Variants in PPP3CA observed in about 807,000 individuals in gnomAD.
PPP3CA encodes protein phosphatase 3 catalytic subunit alpha, also known as CAM-PRP catalytic subunit.
PPP3CA carries 14 observed loss-of-function variants against 66.5 expected under a neutral mutation model. That is an observed-to-expected ratio of 0.21 (90% CI 0.14 to 0.33). The LOEUF (loss-of-function observed/expected upper bound fraction) is 0.33. Among genes scored for constraint, PPP3CA ranks in the 10% least tolerant of loss-of-function variants. PPP3CA has a pLI of 1.00. For missense variants in PPP3CA, 317 were observed against 639.5 expected, an observed-to-expected ratio of 0.50 and a Z score of 5.44; for synonymous variants, 232 against 226.2, an observed-to-expected ratio of 1.03 and a Z score of -0.23.
At chr4:101,117,646 T>C (rs1721886484) in intron 2 of PPP3CA, among the ~76,000 whole-genome samples, 1 of 151,504 alleles carries the variant, frequency 6.6e-6, no homozygotes, top group Non-Finnish European at 1.5e-5. Context: ...GGTGCCAATA[T>C]ATAATTACAA....
At chr4:101,046,990 A>G (rs980302264) in intron 10 of PPP3CA, among the ~76,000 whole-genome samples, 6 of 152,202 alleles carry the variant, frequency 3.9e-5, no homozygotes, top group Non-Finnish European at 7.3e-5. Context: ...CTTTTTACAG[A>G]TGACGAAAAT....
At chr4:101,063,905 C>T (rs908741721) in intron 8 of PPP3CA, among the ~76,000 whole-genome samples, 1 of 151,832 alleles carries the variant, frequency 6.6e-6, no homozygotes, top group Admixed American at 6.6e-5. Flanking sequence ...ATATAATGCA[C>T]AGTAATCAGA....
intron 1 of PPP3CA, among the ~76,000 whole-genome samples, chr4:101,261,454 A>G (rs1727006874): frequency 1.3e-5 from 2 of 152,132 alleles, no homozygotes; most frequent in South Asian, 4.1e-4. Context: ...TCTGTCTACC[A>G]TAATGTAACA....
At chr4:101,185,783 A>G (rs1326569897) in intron 2 of PPP3CA, among the ~76,000 whole-genome samples, 1 of 152,166 alleles carries the variant, frequency 6.6e-6, no homozygotes, top group African/African-American at 2.4e-5. Flanking sequence ...GGCCTTGAGT[A>G]ATATTTTAAT....
chr4:101,090,875 T>C (rs556900958), intron 6 of PPP3CA, among the ~76,000 whole-genome samples: 1 of 125,462 alleles, frequency 8.0e-6, no homozygotes, highest in South Asian at 2.9e-4. Flanking sequence ...CATATCTGTG[T>C]CTATATTATA....
chr4:101,067,810 T>TATAATA lies in PPP3CA; in HGVS notation c.956-4459_956-4454dup, dbSNP rs143876116. On this transcript the variant is annotated intron_variant, in intron 8 of 13. Transcript: ENST00000394854. ...TGCACATGTACCCTAAAACTTAAAG[T>TATAATA]ATAATAATAATAATAATAATAATAA... Among the ~76,000 whole-genome samples the TATAATA allele has an allele frequency of 1.7e-3, 253 of 147,066 alleles. 2 individuals carry two copies. Among genetic ancestry groups the TATAATA allele is most frequent in the East Asian group, 0.013 (65 of 5,070 alleles).
intron 2 of PPP3CA, among the ~76,000 whole-genome samples, chr4:101,183,131 T>A (rs1422329983): frequency 3.3e-5 from 5 of 152,138 alleles, no homozygotes; most frequent in Admixed American, 3.3e-4. Flanking sequence ...AAAAGCTTAT[T>A]TCTTTAGATA....
chr4:101,322,600 G>A (rs1007997918), intron 1 of PPP3CA, among the ~76,000 whole-genome samples: 4 of 151,858 alleles, frequency 2.6e-5, no homozygotes, highest in Non-Finnish European at 4.4e-5. Flanking sequence ...AGAAGAGACC[G>A]GGTTTCACCA....
chr4:101,167,725 T>A (rs1723738172), intron 2 of PPP3CA, among the ~76,000 whole-genome samples: 1 of 152,090 alleles, frequency 6.6e-6, no homozygotes, highest in Non-Finnish European at 1.5e-5. Context: ...AGGTGACTTC[T>A]AAACACAGAC....
chr4:101,220,299 G>GTTTTT (rs33967695), intron 1 of PPP3CA, among the ~76,000 whole-genome samples: 1 of 147,524 alleles, frequency 6.8e-6, no homozygotes. Flanking sequence ...TTGACAGCAC[G>GTTTTT]TTTTTTTTTT....
intron 1 of PPP3CA, among the ~76,000 whole-genome samples, chr4:101,270,636 A>G (rs1173998513): frequency 2.0e-5 from 3 of 152,178 alleles, no homozygotes; most frequent in Non-Finnish European, 4.4e-5. Flanking sequence ...TCTAGAAATG[A>G]TACATCTGCA....
At chr4:101,291,126 C>T (rs1438535262) in intron 1 of PPP3CA, among the ~76,000 whole-genome samples, 1 of 133,162 alleles carries the variant, frequency 7.5e-6, no homozygotes, top group Non-Finnish European at 1.5e-5. Context: ...ATGTTTTGCC[C>T]CTTAACTAGG....
chr4:101,296,459 A>G (rs903316680), intron 1 of PPP3CA, among the ~76,000 whole-genome samples: 2 of 152,170 alleles, frequency 1.3e-5, no homozygotes, highest in Non-Finnish European at 1.5e-5. Flanking sequence ...AAAGCTAAAG[A>G]AAAATAAAGA....
intron 3 of PPP3CA, among the ~76,000 whole-genome samples, chr4:101,106,404 A>G (rs865810161): frequency 1.2e-3 from 11 of 8,848 alleles, no homozygotes; most frequent in Admixed American, 1.9e-3. Context: ...AAAGAAAGAA[A>G]GAAAGAAAGA....
At chr4:101,313,399 T>A (rs796139021) in intron 1 of PPP3CA, among the ~76,000 whole-genome samples, 7 of 152,288 alleles carry the variant, frequency 4.6e-5, no homozygotes, top group African/African-American at 1.7e-4. Context: ...TAGAGAGTCA[T>A]CTTCATTTTC....
intron 1 of PPP3CA, among the ~76,000 whole-genome samples, chr4:101,207,989 A>C (rs186664941): frequency 6.6e-6 from 1 of 152,290 alleles, no homozygotes; most frequent in East Asian, 1.9e-4. Context: ...CACTATCCAG[A>C]TTAAACACAC....
chr4:101,254,611 A>G (rs1419995929), intron 1 of PPP3CA, among the ~76,000 whole-genome samples: 1 of 151,920 alleles, frequency 6.6e-6, no homozygotes, highest in African/African-American at 2.4e-5. Flanking sequence ...AATACTGGGA[A>G]GGTGTTCACT....
intron 1 of PPP3CA, among the ~76,000 whole-genome samples, chr4:101,292,126 ACACACG>A (rs1728048583): frequency 8.6e-6 from 1 of 116,014 alleles, no homozygotes; most frequent in African/African-American, 3.0e-5. Flanking sequence ...ACACACACAC[ACACACG>A]GCCCCTATAG....
At chr4:101,104,254 T>C (rs1279810315) in intron 3 of PPP3CA, among the ~76,000 whole-genome samples, 1 of 152,158 alleles carries the variant, frequency 6.6e-6, no homozygotes, top group African/African-American at 2.4e-5. Context: ...GAGATCCTTT[T>C]GAAGCCTGTT....
Sources: allele counts gnomAD v4.1 joint callset (sites outside exome capture counted in the v4.1 genomes callset), GRCh38; gene constraint gnomAD v4.1.1; transcripts MANE v1.5; gene names NCBI Gene and HGNC (gene_info 2026-07-23, HGNC 2026-07-21).